Variants in NKAIN3 observed in about 807,000 individuals in gnomAD.
The protein encoded by NKAIN3 is sodium/potassium-transporting ATPase subunit beta-1-interacting protein 3.
In NKAIN3, 25 loss-of-function variants were observed where a neutral mutation model predicts 30.2. That is an observed-to-expected ratio of 0.83 (90% CI 0.60 to 1.16). The LOEUF (loss-of-function observed/expected upper bound fraction) is 1.16, where lower values mean the gene tolerates loss of function less well. Among genes scored for constraint, NKAIN3 ranks in the 50% most tolerant of loss-of-function variants. NKAIN3 has a pLI of 0.00. For synonymous variants in NKAIN3, 91 were observed against 89.6 expected, an observed-to-expected ratio of 1.02 and a Z score of -0.09; for missense variants, 225 against 254.1, an observed-to-expected ratio of 0.89 and a Z score of 0.78.
At chr8:62,782,786 G>C (rs868381759) in intron 4 of NKAIN3, among the ~76,000 whole-genome samples, 1 of 149,522 alleles carries the variant, frequency 6.7e-6, no homozygotes, top group Non-Finnish European at 1.5e-5. Context: ...ATAATGGATA[G>C]AGTGGGTGAA....
intron 1 of NKAIN3, among the ~76,000 whole-genome samples, chr8:62,287,400 A>G (rs774256368): frequency 6.6e-6 from 1 of 152,054 alleles, no homozygotes. Flanking sequence ...AGCAATGTGA[A>G]CTAGGGCAAC....
intron 4 of NKAIN3, among the ~76,000 whole-genome samples, chr8:62,805,360 A>G (rs1466328233): frequency 6.6e-6 from 1 of 151,872 alleles, no homozygotes; most frequent in Non-Finnish European, 1.5e-5. Context: ...CCTAAGCCAA[A>G]AGAACAAAGC....
chr8:62,939,067 A>G (rs1386143664), intron 5 of NKAIN3, among the ~76,000 whole-genome samples: 2 of 152,134 alleles, frequency 1.3e-5, no homozygotes, highest in East Asian at 3.9e-4. Context: ...AACAATCACA[A>G]TTTCTGGAAA....
In NKAIN3 at chr8:62,797,122, C is replaced by T. The variant is rs187543533; in HGVS notation, c.471+49993C>T. The stretch of plus-strand genomic sequence containing the variant: ...GTAAAAAGCAGAATTTCTTTGTTTC[C>T]GAGAAGGATCTCTCCTCAGGAGGAT... On this transcript the variant is annotated intron_variant, in intron 4 of 6. Coordinates refer to ENST00000623646, the MANE Select transcript of NKAIN3 (RefSeq NM_001304533.3). Among the ~76,000 whole-genome samples the T allele has an allele frequency of 2.3e-3, 345 of 152,194 alleles. 3 individuals are homozygous for T. The highest frequency in any genetic ancestry group is 7.8e-3 in the African/African-American group (326 of 41,536).
At position 62,681,326 on chromosome 8, in the gene NKAIN3, AT is replaced by A. The variant is rs534455532; in HGVS notation, c.274-65604del. 2.3e-4 allele frequency among the ~76,000 whole-genome samples: 35 copies of A among 152,340 alleles called. No individual in the cohort carries two copies. In the South Asian group the frequency reaches 7.0e-3, roughly 31 times the overall value. Reference sequence around the variant, plus strand: ...GAGGTTATAGTAAATGAACTTTCACATTCCCTTTCCCTTCCTAAAGAAAAAA... The same window carrying A: ...GAGGTTATAGTAAATGAACTTTCACATCCCTTTCCCTTCCTAAAGAAAAAA... On this transcript the variant is annotated intron_variant, in intron 3 of 6. Coordinates refer to ENST00000623646, the MANE Select transcript of NKAIN3 (RefSeq NM_001304533.3).
At chr8:62,402,303 C>T (rs562201112) in intron 1 of NKAIN3, among the ~76,000 whole-genome samples, 1 of 152,142 alleles carries the variant, frequency 6.6e-6, no homozygotes, top group Non-Finnish European at 1.5e-5. Flanking sequence ...GCCTGGAACT[C>T]TCTTTTCAGA....
At chr8:62,565,588 G>A (rs910299383) in intron 1 of NKAIN3, among the ~76,000 whole-genome samples, 1 of 152,102 alleles carries the variant, frequency 6.6e-6, no homozygotes, top group African/African-American at 2.4e-5. Flanking sequence ...CCAACAGTCT[G>A]AATATCTCCT....
chr8:62,934,991 A>T (rs1822738825), intron 5 of NKAIN3, among the ~76,000 whole-genome samples: 3 of 152,132 alleles, frequency 2.0e-5, no homozygotes. Flanking sequence ...TCAAATTCAC[A>T]AATTCTGCCT....
chr8:62,652,831 C>T lies in NKAIN3; in HGVS notation c.273+63037C>T, dbSNP rs61111058. ...TTTTACAGAGGAGGAAACTGAGCCACGGACAAGTTATGAACTTGCTCATGG... is the reference window on the plus strand; with the variant it reads ...TTTTACAGAGGAGGAAACTGAGCCATGGACAAGTTATGAACTTGCTCATGG... On this transcript the variant is annotated intron_variant, in intron 3 of 6. Transcript: ENST00000623646. Among the ~76,000 whole-genome samples, 1,206 of 152,232 alleles carry T rather than the reference C, an allele frequency of 7.9e-3. 14 individuals are homozygous for T. Among genetic ancestry groups the T allele is most frequent in the African/African-American group, 0.027 (1,136 of 41,546 alleles).
chr8:62,594,587 C>T (rs1043464030), intron 3 of NKAIN3, among the ~76,000 whole-genome samples: 1 of 152,066 alleles, frequency 6.6e-6, no homozygotes, highest in African/African-American at 2.4e-5. Context: ...TAAAAATGAG[C>T]TCTCTGTCCT....
chr8:62,513,816 G>A lies in NKAIN3; in HGVS notation c.55-65723G>A, dbSNP rs139146007. Among the ~76,000 whole-genome samples, 719 of 129,158 alleles carry A rather than the reference G, an allele frequency of 5.6e-3. 3 individuals carry two copies. Among genetic ancestry groups the A allele is most frequent in the Admixed American group, 0.012 (121 of 10,178 alleles). 84.7% of individuals were successfully genotyped at this position (129,158 alleles called of 152,430 possible). On this transcript the variant is annotated intron_variant, in intron 1 of 6. Coordinates refer to ENST00000623646, the MANE Select transcript of NKAIN3 (RefSeq NM_001304533.3). ...ACCCCAAGAGGTCAAGGCTGCAGTT[G>A]CCACTGCACTCCAGCCTGGGCAACA...
At chr8:62,691,318 A>G (rs1473467378) in intron 3 of NKAIN3, among the ~76,000 whole-genome samples, 1 of 152,038 alleles carries the variant, frequency 6.6e-6, no homozygotes, top group African/African-American at 2.4e-5. Flanking sequence ...GAGAAAGAGG[A>G]GAGATGCGGG....
chr8:62,410,468 T>A (rs980757810), intron 1 of NKAIN3, among the ~76,000 whole-genome samples: 5 of 152,154 alleles, frequency 3.3e-5, no homozygotes, highest in Non-Finnish European at 7.4e-5. Context: ...CCTTTATGTA[T>A]ATACCCAGTA....
chr8:62,454,340 T>G (rs1805749815), intron 1 of NKAIN3, among the ~76,000 whole-genome samples: 1 of 74,932 alleles, frequency 1.3e-5, no homozygotes, highest in Non-Finnish European at 3.4e-5. Flanking sequence ...AATCTCATAA[T>G]GTTTTAAGAA....
intron 4 of NKAIN3, among the ~76,000 whole-genome samples, chr8:62,816,584 TG>T (rs1346526368): frequency 2.6e-5 from 4 of 152,110 alleles, no homozygotes; most frequent in East Asian, 3.9e-4. Context: ...CCTTCTGCTC[TG>T]GGGGAAGCCT....
chr8:62,286,481 G>T (rs1481042796), intron 1 of NKAIN3, among the ~76,000 whole-genome samples: 1 of 152,138 alleles, frequency 6.6e-6, no homozygotes, highest in Non-Finnish European at 1.5e-5. Context: ...CTCTGTGGAA[G>T]AGAGATAATG....
chr8:62,337,368 C>G (rs1270654301), intron 1 of NKAIN3, among the ~76,000 whole-genome samples: 1 of 151,904 alleles, frequency 6.6e-6, no homozygotes, highest in Non-Finnish European at 1.5e-5. Context: ...TAAGACATTT[C>G]TCTACCTTCG....
chr8:62,505,538 G>T (rs1221963125), intron 1 of NKAIN3, among the ~76,000 whole-genome samples: 6 of 152,022 alleles, frequency 3.9e-5, no homozygotes, highest in Admixed American at 2.6e-4. Flanking sequence ...TGACTGTTAA[G>T]GTATAACATT....
chr8:62,776,402 A>G (rs1276255060), intron 4 of NKAIN3, among the ~76,000 whole-genome samples: 1 of 151,788 alleles, frequency 6.6e-6, no homozygotes, highest in African/African-American at 2.4e-5. Flanking sequence ...GATTTTCTTC[A>G]GTGGTATGTC....
Sources: allele counts gnomAD v4.1 joint callset (sites outside exome capture counted in the v4.1 genomes callset), GRCh38; gene constraint gnomAD v4.1.1; transcripts MANE v1.5; gene names NCBI Gene and HGNC (gene_info 2026-07-23, HGNC 2026-07-21).